The following ARHGEF3 variants were observed in gnomAD, a reference collection of about 807,000 sequenced individuals.
ARHGEF3 encodes 59.8 kDA protein.
Under a neutral mutation model 63.2 loss-of-function variants are expected in ARHGEF3, and 28 were observed. The ratio of observed to expected loss-of-function variants is 0.44; its 90% CI spans 0.33 to 0.61. The LOEUF (loss-of-function observed/expected upper bound fraction) is 0.61, where lower values mean the gene tolerates loss of function less well. Ranked by LOEUF, ARHGEF3 falls within the 20% of genes least tolerant of loss-of-function variation. The pLI, the probability that ARHGEF3 is intolerant of heterozygous loss-of-function variation, is 0.03. For missense variants in ARHGEF3, 533 were observed against 659.3 expected (o/e 0.81, Z 2.10); for synonymous variants, 266 against 254.2 (o/e 1.05, Z -0.44).
intron 8 of ARHGEF3, among the ~76,000 whole-genome samples, chr3:56,735,406 T>G (rs1430641728): frequency 6.6e-6 from 1 of 152,132 alleles, no homozygotes; most frequent in Non-Finnish European, 1.5e-5. Context: ...CCCAAGACTT[T>G]ATTCACAATG....
chr3:57,008,970 T>C (rs1702576255), intron 2 of ARHGEF3, among the ~76,000 whole-genome samples: 1 of 152,248 alleles, frequency 6.6e-6, no homozygotes. Flanking sequence ...TACATTAAGA[T>C]TCCAATTTCT....
intron 2 of ARHGEF3, among the ~76,000 whole-genome samples, chr3:56,763,517 C>T (rs2035538883): frequency 6.6e-6 from 1 of 152,086 alleles, no homozygotes; most frequent in Non-Finnish European, 1.5e-5. Context: ...ACAAATTACT[C>T]TGCAACAATA....
chr3:56,920,951 A>C (rs1250847498), intron 3 of ARHGEF3, among the ~76,000 whole-genome samples: 1 of 147,676 alleles, frequency 6.8e-6, no homozygotes, highest in African/African-American at 2.5e-5. Context: ...GCTACTCAGG[A>C]GGCTGAGGCA....
At chr3:56,879,042 C>A (rs555572329) in intron 4 of ARHGEF3, among the ~76,000 whole-genome samples, 4 of 152,354 alleles carry the variant, frequency 2.6e-5, no homozygotes, top group African/African-American at 9.6e-5. Context: ...TGATCTGTCA[C>A]TATTGTTACC....
At chr3:57,042,702 T>A (rs1291511663) in intron 1 of ARHGEF3, among the ~76,000 whole-genome samples, 10 of 65,210 alleles carry the variant, frequency 1.5e-4, no homozygotes, top group African/African-American at 7.0e-4. Context: ...ATATATATAT[T>A]TTTTTTTTTT....
intron 2 of ARHGEF3, chr3:57,007,332 C>A: frequency 7.8e-7 from 1 of 1,289,790 alleles, no homozygotes; most frequent in Non-Finnish European, 1.0e-6. Flanking sequence ...ACACCTCCAA[C>A]AGCCCTGAAG....
chr3:57,042,986 C>T (rs866724172), intron 1 of ARHGEF3, among the ~76,000 whole-genome samples: 1 of 147,868 alleles, frequency 6.8e-6, no homozygotes, highest in Non-Finnish European at 1.5e-5. Context: ...CATGAGCCAC[C>T]GCGCCCAGCC....
At chr3:56,902,220 A>G (rs1458821537) in intron 3 of ARHGEF3, among the ~76,000 whole-genome samples, 1 of 152,224 alleles carries the variant, frequency 6.6e-6, no homozygotes, top group Non-Finnish European at 1.5e-5. Context: ...GTGTCTGTGA[A>G]TGACTGCACA....
chr3:56,776,998 T>C (rs192922672), intron 1 of ARHGEF3, among the ~76,000 whole-genome samples: 1 of 152,358 alleles, frequency 6.6e-6, no homozygotes, highest in Admixed American at 6.5e-5. Flanking sequence ...GTTTCATCTT[T>C]TCCAGGCCTT....
chr3:56,970,181 T>G (rs1045973583), intron 2 of ARHGEF3, among the ~76,000 whole-genome samples: 34 of 152,200 alleles, frequency 2.2e-4, no homozygotes, highest in African/African-American at 7.7e-4. Context: ...TTTTAAATAG[T>G]TGAAATGGTA....
At chr3:57,040,303 C>T (rs1704125029) in intron 1 of ARHGEF3, among the ~76,000 whole-genome samples, 1 of 150,622 alleles carries the variant, frequency 6.6e-6, no homozygotes. Context: ...TGGTGAAACC[C>T]CATCTCTACT....
chr3:56,921,450 G>T lies in ARHGEF3; in HGVS notation c.129+37373C>A, dbSNP rs115248223. 7.9e-3 allele frequency among the ~76,000 whole-genome samples: 1,046 copies of T among 131,784 alleles called. 10 individuals carry two copies. The highest frequency in any genetic ancestry group is 0.027 in the African/African-American group (986 of 36,870). The allele number at this position is 131,784 out of a possible 152,430, so 86.5% of individuals were successfully genotyped here. A position where few individuals can be genotyped will look rare whatever the true frequency, so the allele number is the denominator to read the frequency against. On this transcript the variant is annotated intron_variant, in intron 3 of 12. Coordinates refer to the ARHGEF3 transcript ENST00000338458. ...GAAAAACAAAATTTGGGTGTTACTA[G>T]GTTATCAGGGAGGCATAAAGCACAG...
intron 2 of ARHGEF3, among the ~76,000 whole-genome samples, chr3:57,015,548 C>T (rs994582501): frequency 1.4e-5 from 2 of 139,610 alleles, no homozygotes; most frequent in African/African-American, 5.1e-5. Flanking sequence ...ATCCTCCCGC[C>T]TCAGCCTCCT....
chr3:56,751,599 T>C (rs1249082265), intron 4 of ARHGEF3, among the ~76,000 whole-genome samples: 1 of 152,192 alleles, frequency 6.6e-6, no homozygotes, highest in African/African-American at 2.4e-5. Flanking sequence ...TTGTGGTTGA[T>C]AAACCAAAGC....
chr3:56,973,063 C>T (rs1315608905), intron 2 of ARHGEF3, among the ~76,000 whole-genome samples: 1 of 150,918 alleles, frequency 6.6e-6, no homozygotes, highest in Admixed American at 6.6e-5. Context: ...GTCGCCCAGG[C>T]TGGAGTGCAG....
chr3:56,865,153 T>A (rs935332519), intron 4 of ARHGEF3, among the ~76,000 whole-genome samples: 1 of 152,166 alleles, frequency 6.6e-6, no homozygotes, highest in Non-Finnish European at 1.5e-5. Flanking sequence ...GGCGAGCACA[T>A]GGCAGGCCTA....
At chr3:56,923,316 TA>T (rs2042199987) in intron 3 of ARHGEF3, among the ~76,000 whole-genome samples, 1 of 135,762 alleles carries the variant, frequency 7.4e-6, no homozygotes, top group Non-Finnish European at 1.6e-5. Context: ...CATAATAAAA[TA>T]TTTTTTAAAA....
At chr3:56,852,954 G>C (rs1434016721) in intron 4 of ARHGEF3, among the ~76,000 whole-genome samples, 1 of 152,142 alleles carries the variant, frequency 6.6e-6, no homozygotes, top group Non-Finnish European at 1.5e-5. Flanking sequence ...AAAAGTAAGG[G>C]CTAAAAATAG....
intron 6 of ARHGEF3, among the ~76,000 whole-genome samples, chr3:56,750,572 G>A (rs1468813952): frequency 6.7e-6 from 1 of 149,120 alleles, no homozygotes; most frequent in African/African-American, 2.5e-5. Context: ...GGCCTAAAAA[G>A]TTTTTTTTAA....
Sources: gnomAD v4.1 joint callset for allele counts (sites outside exome capture counted in the v4.1 genomes callset) on GRCh38, gnomAD v4.1.1 for gene constraint, MANE v1.5 for transcripts, NCBI Gene and HGNC (gene_info 2026-07-23, HGNC 2026-07-21) for gene names.